The following RUFY3 variants were observed in gnomAD, a reference collection of about 807,000 sequenced individuals.
The protein encoded by RUFY3 is protein RUFY3.
Under a neutral mutation model 84.0 loss-of-function variants are expected in RUFY3, and 34 were observed. That is an observed-to-expected ratio of 0.40 (90% CI 0.31 to 0.54). The LOEUF (loss-of-function observed/expected upper bound fraction) is 0.54, where lower values mean the gene tolerates loss of function less well. Among genes scored for constraint, RUFY3 ranks in the 20% least tolerant of loss-of-function variants. RUFY3 has a pLI of 0.39. For synonymous variants in RUFY3, 242 were observed against 252.9 expected (o/e 0.96, Z 0.41); for missense variants, 507 against 736.8 (o/e 0.69, Z 3.61).
In RUFY3 at chr4:70,741,004, A is replaced by G. The variant is rs182882354; in HGVS notation, c.178+18253A>G. On this transcript the variant is annotated intron_variant, in intron 1 of 17. Transcript: ENST00000381006. ...CAGAAATATTAATGTGCTTGATTGT[A>G]GGTTACTGCCTCAGATCCTGCTAGT... 6.1e-4 allele frequency among the ~76,000 whole-genome samples: 93 copies of G among 152,272 alleles called. 1 individual carries two copies. The highest frequency in any genetic ancestry group is 6.2e-4 in the South Asian group (3 of 4,820).
chr4:70,801,163 CA>C (rs561597683), intron 15 of RUFY3, among the ~76,000 whole-genome samples: 6,689 of 64,248 alleles, frequency 0.1, 267 homozygotes, highest in East Asian at 0.32. Flanking sequence ...ACTATGGAGA[CA>C]AAAAAAAAAA....
intron 14 of RUFY3, among the ~76,000 whole-genome samples, chr4:70,798,889 G>T (rs558834841): frequency 6.6e-6 from 1 of 152,046 alleles, no homozygotes; most frequent in African/African-American, 2.4e-5. Flanking sequence ...GGTGGCTTAC[G>T]CCTGTAATCC....
chr4:70,760,198 C>A (rs1207741460), intron 1 of RUFY3, among the ~76,000 whole-genome samples: 1 of 152,150 alleles, frequency 6.6e-6, no homozygotes, highest in East Asian at 1.9e-4. Flanking sequence ...AACATTTCTG[C>A]TGCAGATTAT....
At chr4:70,775,050 T>G in intron 6 of RUFY3, 118 bp from the exon 7 acceptor site, 1 of 613,794 alleles carries the variant, frequency 1.6e-6, no homozygotes, top group Non-Finnish European at 2.9e-6. Flanking sequence ...TATGGTTCAG[T>G]GTATCTGTGC....
intron 1 of RUFY3, among the ~76,000 whole-genome samples, chr4:70,706,266 C>A (rs1417665940): frequency 6.6e-6 from 1 of 152,082 alleles, no homozygotes; most frequent in Admixed American, 6.5e-5. Flanking sequence ...TTGCCTGAAG[C>A]GATGAGGGAA....
intron 6 of RUFY3, 103 bp from the exon 7 acceptor site, chr4:70,775,065 A>G (rs967974451): frequency 2.0e-5 from 14 of 694,940 alleles, no homozygotes; most frequent in Non-Finnish European, 3.2e-5. Context: ...CTGTGCCACA[A>G]TTTTTTTCTC....
chr4:70,748,474 A>G (rs1005609604), intron 1 of RUFY3, among the ~76,000 whole-genome samples: 7 of 152,218 alleles, frequency 4.6e-5, no homozygotes, highest in African/African-American at 7.2e-5. Context: ...CAAATGTACA[A>G]TATTCCAGGG....
At chr4:70,749,071 T>C (rs1722685845) in intron 1 of RUFY3, among the ~76,000 whole-genome samples, 1 of 152,200 alleles carries the variant, frequency 6.6e-6, no homozygotes, top group South Asian at 2.1e-4. Flanking sequence ...GTTTTTCTTT[T>C]CTTTTCTTTT....
chr4:70,759,643 G>GT (rs1724681544), intron 1 of RUFY3, among the ~76,000 whole-genome samples: 1 of 152,108 alleles, frequency 6.6e-6, no homozygotes, highest in Admixed American at 6.5e-5. Context: ...CCCACCAACA[G>GT]TGTATAAGAA....
At position 70,774,644 on chromosome 4, in the gene RUFY3, A is replaced by AATATATAT. The variant is rs1553916772; in HGVS notation, c.759-504_759-497dup. On this transcript the variant is annotated intron_variant, in intron 6 of 17. Transcript: ENST00000381006. ...AAAAAAAAAAAAAAAAAAAAAAAAA[A>AATATATAT]ATATATATATATATATATATATATA... Among the ~76,000 whole-genome samples, 287 of 56,624 alleles carry AATATATAT rather than the reference A, an allele frequency of 5.1e-3. 3 individuals are homozygous for AATATATAT. The highest frequency in any genetic ancestry group is 0.012 in the African/African-American group (148 of 11,920). The allele number at this position is 56,624 out of a possible 152,430, so 37.1% of individuals were successfully genotyped here.
At position 70,783,135 on chromosome 4, in the gene RUFY3, G is replaced by C. The variant is rs1313073697; in HGVS notation, c.939G>C (p.Met313Ile). 1 of 1,612,094 alleles carries C rather than the reference G, an allele frequency of 6.2e-7. No individual in the cohort carries two copies. Among genetic ancestry groups the C allele is most frequent in the Non-Finnish European group, 8.5e-7 (1 of 1,178,716 alleles). ...NNRIITLQEE[M>I]ERVKEESSYI... ...GGATCATTACCTTACAAGAAGAAAT[G>C]GAACGAGTTAAAGAGGAAAGTTCCT... Residue 313 changes from methionine (M) to isoleucine (I), a missense_variant, in exon 9 of 18, where the codon ATG becomes ATC. Physicochemically the swap from Met to Ile is conservative, Grantham distance 10. Coordinates refer to ENST00000381006, the MANE Select transcript of RUFY3 (RefSeq NM_001037442.4).
chr4:70,720,888 C>CGTGTGTGTGTGTGT (rs71210198), upstream of RUFY3, among the ~76,000 whole-genome samples: 6 of 138,468 alleles, frequency 4.3e-5, no homozygotes, highest in African/African-American at 1.6e-4. Flanking sequence ...AATATAGGGC[C>CGTGTGTGTGTGTGT]GTGTGTGTGT....
chr4:70,779,862 T>G (rs1029753446), intron 8 of RUFY3, among the ~76,000 whole-genome samples: 9 of 152,092 alleles, frequency 5.9e-5, no homozygotes, highest in Admixed American at 2.0e-4. Context: ...GCATAGCCAC[T>G]GCGCCTGGCC....
At chr4:70,704,837 G>T in exon 1 of RUFY3, 1 of 760,842 alleles carries the variant, frequency 1.3e-6, no homozygotes, top group Non-Finnish European at 1.8e-6. Flanking sequence ...CGGCGGCGGC[G>T]CAGCGGACGG....
intron 13 of RUFY3, 72 bp downstream of exon 13, chr4:70,793,976 T>C: frequency 6.5e-7 from 1 of 1,534,096 alleles, no homozygotes; most frequent in Non-Finnish European, 8.8e-7. Context: ...AGAAAAGGGG[T>C]CTCATGACTT....
chr4:70,742,774 T>C (rs1434053801), intron 1 of RUFY3, among the ~76,000 whole-genome samples: 3 of 152,196 alleles, frequency 2.0e-5, no homozygotes, highest in African/African-American at 7.2e-5. Flanking sequence ...CCAAACAAAA[T>C]CAAGGCAGCT....
intron 15 of RUFY3, among the ~76,000 whole-genome samples, chr4:70,802,480 A>G (rs1486973714): frequency 6.6e-6 from 1 of 152,196 alleles, no homozygotes; most frequent in African/African-American, 2.4e-5. Flanking sequence ...TTCTGGTGAC[A>G]GTCTCATTCA....
At chr4:70,725,540 A>G (rs1718097037) in intron 1 of RUFY3, among the ~76,000 whole-genome samples, 2 of 152,154 alleles carry the variant, frequency 1.3e-5, no homozygotes, top group Admixed American at 6.5e-5. Flanking sequence ...CATGTTGATC[A>G]GGCTGGTCTC....
At position 70,705,646 on chromosome 4, in the gene RUFY3, C is replaced by T. The variant is rs138877481; in HGVS notation, c.358+352C>T. Among the ~76,000 whole-genome samples, 295 of 152,314 alleles carry T rather than the reference C, an allele frequency of 1.9e-3. 14 individuals carry two copies. In the East Asian group the frequency reaches 0.046, roughly 24 times the overall value. On this transcript the variant is annotated intron_variant, in intron 1 of 11. Transcript: ENST00000417478. ...CCTGCCTGCCCCCCTCCACCCGGGG[C>T]GCCCTGGCCCTGTCCCGGGTCCCGG... is the stretch of plus-strand genomic sequence containing the variant.
Sources: gnomAD v4.1 joint callset for allele counts (sites outside exome capture counted in the v4.1 genomes callset) on GRCh38, gnomAD v4.1.1 for gene constraint, MANE v1.5 for transcripts, NCBI Gene and HGNC (gene_info 2026-07-23, HGNC 2026-07-21) for gene names.